Variants in CNTNAP2 observed in about 807,000 individuals in gnomAD.
CNTNAP2 encodes the protein contactin-associated protein-like 2.
Under a neutral mutation model 155.2 loss-of-function variants are expected in CNTNAP2, and 98 were observed. The observed-to-expected ratio is 0.63, with a 90% confidence interval of 0.54 to 0.75. The LOEUF (loss-of-function observed/expected upper bound fraction) is 0.75. Ranked by LOEUF, CNTNAP2 falls within the 30% of genes least tolerant of loss-of-function variation. The pLI is 0.00. For synonymous variants in CNTNAP2, 651 were observed against 631.2 expected (o/e 1.03, Z -0.47); for missense variants, 1,727 against 1,688.1 (o/e 1.02, Z -0.40).
chr7:147,664,627 G>A (rs1338129665), intron 13 of CNTNAP2, among the ~76,000 whole-genome samples: 1 of 152,152 alleles, frequency 6.6e-6, no homozygotes, highest in African/African-American at 2.4e-5. Flanking sequence ...TATCGGTCCA[G>A]TACAGTTCCT....
rs1554415300 is a variant in CNTNAP2, at chr7:147,635,198, A to ATATATATATATATATATATATG, written c.1898-3905_1898-3904insATATATATATATATATATGTAT. On this transcript the variant is annotated intron_variant, in intron 12 of 23. Coordinates refer to ENST00000361727, the MANE Select transcript of CNTNAP2 (RefSeq NM_014141.6). The stretch of plus-strand genomic sequence containing the variant: ...TCACTGGCAAACTATATATATATAT[A>ATATATATATATATATATATATG]TATGTTTAATTTTAATTATTTTGCT... Among the ~76,000 whole-genome samples, 834 of 149,046 alleles carry ATATATATATATATATATATATG rather than the reference A, an allele frequency of 5.6e-3. 22 individuals are homozygous for ATATATATATATATATATATATG. The highest frequency in any genetic ancestry group is 0.02 in the African/African-American group (792 of 39,264).
intron 2 of CNTNAP2, among the ~76,000 whole-genome samples, chr7:146,800,876 G>A (rs1802864278): frequency 6.6e-6 from 1 of 152,022 alleles, no homozygotes; most frequent in Non-Finnish European, 1.5e-5. Flanking sequence ...GGTGTCAGGA[G>A]TAGAGAATTT....
chr7:147,079,158 A>G (rs1038345079), intron 4 of CNTNAP2, among the ~76,000 whole-genome samples: 1 of 152,132 alleles, frequency 6.6e-6, no homozygotes, highest in Non-Finnish European at 1.5e-5. Flanking sequence ...TGTTATAAAG[A>G]TTTTACGCAT....
chr7:148,186,924 T>C (rs544346243), intron 18 of CNTNAP2, among the ~76,000 whole-genome samples: 1 of 152,244 alleles, frequency 6.6e-6, no homozygotes, highest in East Asian at 1.9e-4. Context: ...TGTTGTCCAA[T>C]GTAGAATGGT....
At chr7:147,126,171 C>T (rs567393906) in intron 6 of CNTNAP2, among the ~76,000 whole-genome samples, 5 of 152,258 alleles carry the variant, frequency 3.3e-5, no homozygotes, top group East Asian at 3.9e-4. Context: ...GCAATGTGCC[C>T]AGCTGAAAAG....
At chr7:147,664,771 G>A (rs78251279) in intron 13 of CNTNAP2, among the ~76,000 whole-genome samples, 1,742 of 152,098 alleles carry the variant, frequency 0.011, 42 homozygotes, top group African/African-American at 0.039. Flanking sequence ...GCCTGTATCC[G>A]GCCTCCTCTC....
intron 1 of CNTNAP2, among the ~76,000 whole-genome samples, chr7:146,495,274 G>A (rs1282178776): frequency 6.6e-6 from 1 of 152,096 alleles, no homozygotes; most frequent in Non-Finnish European, 1.5e-5. Flanking sequence ...TTTCCATGTC[G>A]AGTAAGTAAA....
At chr7:148,319,713 C>T (rs373962703) in intron 21 of CNTNAP2, among the ~76,000 whole-genome samples, 1 of 151,726 alleles carries the variant, frequency 6.6e-6, no homozygotes, top group East Asian at 1.9e-4. Flanking sequence ...GTTGCACACT[C>T]CTTATGAGAA....
chr7:147,470,447 G>T (rs1331927169), intron 10 of CNTNAP2, among the ~76,000 whole-genome samples: 1 of 151,876 alleles, frequency 6.6e-6, no homozygotes, highest in Non-Finnish European at 1.5e-5. Context: ...TAGCGTCTTG[G>T]ATTATGGTAA....
intron 11 of CNTNAP2, among the ~76,000 whole-genome samples, chr7:147,518,497 C>A (rs1799171515): frequency 6.6e-6 from 1 of 152,164 alleles, no homozygotes; most frequent in South Asian, 2.1e-4. Flanking sequence ...CATGTACATA[C>A]AGATGCTATG....
chr7:147,072,848 C>CTT (rs71165064), intron 4 of CNTNAP2, among the ~76,000 whole-genome samples: 26 of 93,632 alleles, frequency 2.8e-4, no homozygotes, highest in Non-Finnish European at 3.4e-4. Flanking sequence ...TTCCTTTATT[C>CTT]TTTTTTTTTT....
rs1584861543 is a variant in CNTNAP2, at chr7:147,128,918, A to C, written c.1083+82A>C. 5.2e-6 allele frequency: 8 copies of C among 1,548,154 alleles called. No homozygotes were observed. The East Asian group carries it at 1.8e-4, about 35-fold the overall frequency. On this transcript the variant is annotated intron_variant, in intron 7 of 23. Transcript: ENST00000361727. ...TTTTTGGATTATTGAACAACAACAA[A>C]ATCATGACATTTTTCATCATATTTG...
intron 21 of CNTNAP2, among the ~76,000 whole-genome samples, chr7:148,284,306 G>A (rs557366171): frequency 6.6e-6 from 1 of 152,086 alleles, no homozygotes; most frequent in African/African-American, 2.4e-5. Flanking sequence ...TAGTGAAGAA[G>A]TCTCATGAGA....
At chr7:146,468,415 C>T (rs912185396) in intron 1 of CNTNAP2, among the ~76,000 whole-genome samples, 1 of 151,478 alleles carries the variant, frequency 6.6e-6, no homozygotes, top group East Asian at 1.9e-4. Flanking sequence ...TGCACATGTG[C>T]CACCTGAATC....
At chr7:146,534,354 C>G (rs1419159667) in intron 1 of CNTNAP2, among the ~76,000 whole-genome samples, 1 of 152,018 alleles carries the variant, frequency 6.6e-6, no homozygotes, top group East Asian at 1.9e-4. Context: ...ACTCCTGAGG[C>G]TTTAGGAACA....
Position 148,313,595 on chromosome 7 carries a change from A to G in CNTNAP2, c.3475+46469A>G, listed in dbSNP as rs528577357. ...TTTGGAGTTCTTGTGTGCTGGAGAT[A>G]TGGCTGGGGTTTGTCTCACAGTGGA... On this transcript the variant is annotated intron_variant, in intron 21 of 23. Coordinates refer to ENST00000361727, the MANE Select transcript of CNTNAP2 (RefSeq NM_014141.6). 2.6e-5 allele frequency among the ~76,000 whole-genome samples: 4 copies of G among 152,202 alleles called. No individual in the cohort carries two copies. The East Asian group carries it at 7.7e-4, about 29-fold the overall frequency.
At chr7:147,860,334 G>T (rs1270438666) in intron 13 of CNTNAP2, among the ~76,000 whole-genome samples, 2 of 152,116 alleles carry the variant, frequency 1.3e-5, no homozygotes, top group Admixed American at 1.3e-4. Flanking sequence ...TGAGGCAGAA[G>T]AATCGTTTGG....
chr7:147,809,610 A>G (rs1177012099), intron 13 of CNTNAP2, among the ~76,000 whole-genome samples: 1 of 152,162 alleles, frequency 6.6e-6, no homozygotes, highest in Non-Finnish European at 1.5e-5. Context: ...ACCTTCTCCT[A>G]GACCAGCTTT....
At chr7:148,022,643 GT>G (rs1294131015) in intron 15 of CNTNAP2, among the ~76,000 whole-genome samples, 1 of 151,826 alleles carries the variant, frequency 6.6e-6, no homozygotes, top group Non-Finnish European at 1.5e-5. Context: ...CTGTTTTTTT[GT>G]TTTTGTTTTT....
Sources: gnomAD v4.1 joint callset for allele counts (sites outside exome capture counted in the v4.1 genomes callset) on GRCh38, gnomAD v4.1.1 for gene constraint, MANE v1.5 for transcripts, NCBI Gene and HGNC (gene_info 2026-07-23, HGNC 2026-07-21) for gene names.